The following KIAA1217 variants were observed in gnomAD, a reference collection of about 807,000 sequenced individuals.
KIAA1217 encodes KIAA1217.
A neutral mutation model predicts 163.9 loss-of-function variants in KIAA1217; 88 were observed. The ratio of observed to expected loss-of-function variants is 0.54; its 90% CI spans 0.45 to 0.64. The LOEUF (loss-of-function observed/expected upper bound fraction) is 0.64, where lower values mean the gene tolerates loss of function less well. Among genes scored for constraint, KIAA1217 ranks in the 30% least tolerant of loss-of-function variants. KIAA1217 has a pLI of 0.00. For synonymous variants in KIAA1217, 903 were observed against 923.1 expected, an observed-to-expected ratio of 0.98 and a Z score of 0.39; for missense variants, 2,372 against 2,475.0, an observed-to-expected ratio of 0.96 and a Z score of 0.88.
intron 2 of KIAA1217, among the ~76,000 whole-genome samples, chr10:24,118,148 G>A (rs1038774678): frequency 2.8e-5 from 4 of 145,298 alleles, no homozygotes; most frequent in Admixed American, 2.1e-4. Flanking sequence ...CTCAAATAAC[G>A]GTTAAAAAAA....
At chr10:24,380,096 T>G (rs1216904842) in intron 2 of KIAA1217, among the ~76,000 whole-genome samples, 2 of 152,000 alleles carry the variant, frequency 1.3e-5, no homozygotes, top group African/African-American at 4.8e-5. Context: ...CAATGTGAGT[T>G]TACTGATTGT....
At chr10:24,136,487 A>T (rs1020161041) in intron 2 of KIAA1217, among the ~76,000 whole-genome samples, 1 of 152,110 alleles carries the variant, frequency 6.6e-6, no homozygotes, top group African/African-American at 2.4e-5. Context: ...TGATAATGGG[A>T]CTATAAAATA....
intron 1 of KIAA1217, among the ~76,000 whole-genome samples, chr10:23,776,163 T>C (rs565311314): frequency 1.9e-3 from 290 of 152,250 alleles, no homozygotes; most frequent in African/African-American, 6.1e-3. Context: ...TCACCTGGTT[T>C]CCTCTGAACT....
chr10:24,246,941 T>C lies in KIAA1217; in HGVS notation c.354+27032T>C, dbSNP rs184415510. 9.2e-5 allele frequency among the ~76,000 whole-genome samples: 14 copies of C among 151,494 alleles called. No homozygotes were observed. In the East Asian group the frequency reaches 2.2e-3, roughly 23 times the overall value. ...AGGCAGGAGAATCACTGGAACCCGA[T>C]GGCGGAGGCTGCAGTGAACGGAGAT... On this transcript the variant is annotated intron_variant, in intron 2 of 20. Transcript: ENST00000376454.
chr10:24,067,619 G>T (rs943809028), intron 2 of KIAA1217, among the ~76,000 whole-genome samples: 2 of 152,194 alleles, frequency 1.3e-5, no homozygotes, highest in Non-Finnish European at 2.9e-5. Flanking sequence ...CAGTCTGTCC[G>T]TTCTCAGATC....
At chr10:24,025,706 C>G (rs1278921779) in intron 2 of KIAA1217, among the ~76,000 whole-genome samples, 1 of 151,740 alleles carries the variant, frequency 6.6e-6, no homozygotes, top group African/African-American at 2.4e-5. Context: ...TTTGAAGTTT[C>G]TAGTGTACAA....
At chr10:23,820,312 CTT>C (rs1490945917) in intron 1 of KIAA1217, among the ~76,000 whole-genome samples, 2 of 152,174 alleles carry the variant, frequency 1.3e-5, no homozygotes, top group Non-Finnish European at 2.9e-5. Flanking sequence ...TTACAGAACT[CTT>C]TTAAAATTCC....
chr10:24,348,807 G>T (rs555072018), intron 2 of KIAA1217, among the ~76,000 whole-genome samples: 5 of 152,130 alleles, frequency 3.3e-5, no homozygotes, highest in Non-Finnish European at 7.3e-5. Context: ...AGAGTAGATA[G>T]CGTTCTGAGC....
At chr10:24,153,224 T>C (rs923710372) in intron 2 of KIAA1217, among the ~76,000 whole-genome samples, 8 of 152,190 alleles carry the variant, frequency 5.3e-5, no homozygotes, top group African/African-American at 1.9e-4. Context: ...CATTAAGGGC[T>C]GCAAATTCCT....
intron 1 of KIAA1217, among the ~76,000 whole-genome samples, chr10:23,919,016 T>C (rs1842743351): frequency 6.6e-6 from 1 of 152,034 alleles, no homozygotes; most frequent in Admixed American, 6.6e-5. Flanking sequence ...TGGACAGGCA[T>C]TGGTCACAGA....
intron 1 of KIAA1217, among the ~76,000 whole-genome samples, chr10:24,004,064 C>T (rs1846874797): frequency 6.6e-6 from 1 of 152,132 alleles, no homozygotes; most frequent in Admixed American, 6.5e-5. Flanking sequence ...ACTGCAAACT[C>T]GGCTTCCCGG....
intron 3 of KIAA1217, among the ~76,000 whole-genome samples, chr10:24,401,530 A>G (rs2056527021): frequency 6.6e-6 from 1 of 152,170 alleles, no homozygotes; most frequent in Non-Finnish European, 1.5e-5. Context: ...TATTTGATAA[A>G]ATCTAACAAC....
intron 16 of KIAA1217, among the ~76,000 whole-genome samples, chr10:24,534,881 CAAAA>C (rs71506838): frequency 4.2e-5 from 3 of 71,836 alleles, no homozygotes; most frequent in African/African-American, 1.7e-4. Context: ...AACTCTGTCT[CAAAA>C]AAAAAAAAAA....
At chr10:24,172,306 C>T (rs2065668625) in intron 2 of KIAA1217, among the ~76,000 whole-genome samples, 1 of 152,144 alleles carries the variant, frequency 6.6e-6, no homozygotes, top group African/African-American at 2.4e-5. Flanking sequence ...TTCCTATGAC[C>T]ACTATGCCAA....
chr10:23,841,878 T>C (rs1838804911), intron 1 of KIAA1217, among the ~76,000 whole-genome samples: 1 of 139,246 alleles, frequency 7.2e-6, no homozygotes, highest in Admixed American at 7.2e-5. Flanking sequence ...TTTATTTTAT[T>C]TTATTTTGAG....
At chr10:24,462,833 A>G (rs2062557265) in intron 5 of KIAA1217, among the ~76,000 whole-genome samples, 1 of 152,212 alleles carries the variant, frequency 6.6e-6, no homozygotes, top group African/African-American at 2.4e-5. Flanking sequence ...GACAAGTTAC[A>G]TAGTAGTTTC....
chr10:23,772,498 G>T (rs564741293), intron 1 of KIAA1217, among the ~76,000 whole-genome samples: 4 of 152,268 alleles, frequency 2.6e-5, no homozygotes, highest in Non-Finnish European at 5.9e-5. Context: ...CTAATACTTA[G>T]GAGCACCAGG....
chr10:24,254,330 G>C (rs1312523611), intron 2 of KIAA1217, among the ~76,000 whole-genome samples: 2 of 152,228 alleles, frequency 1.3e-5, no homozygotes, highest in Non-Finnish European at 2.9e-5. Context: ...CAGCCTCAGA[G>C]AAATGCTGGG....
intron 2 of KIAA1217, among the ~76,000 whole-genome samples, chr10:24,138,638 T>C (rs952201661): frequency 9.0e-5 from 9 of 99,606 alleles, no homozygotes; most frequent in African/African-American, 1.3e-4. Context: ...TTTCTTCCAT[T>C]CATTAACCAA....
Sources: gnomAD v4.1 joint callset for allele counts (sites outside exome capture counted in the v4.1 genomes callset) on GRCh38, gnomAD v4.1.1 for gene constraint, MANE v1.5 for transcripts, NCBI Gene and HGNC (gene_info 2026-07-23, HGNC 2026-07-21) for gene names.